Variants in TAF1A observed in about 807,000 individuals in gnomAD.
TAF1A encodes TATA-box binding protein associated factor, RNA polymerase I subunit A.
In TAF1A, 42 loss-of-function variants were observed where a neutral mutation model predicts 61.6. That is an observed-to-expected ratio of 0.68 (90% CI 0.53 to 0.88). TAF1A has a LOEUF of 0.88. TAF1A is among the 40% of genes least tolerant of loss of function. The pLI is 0.00. For synonymous variants in TAF1A, 179 were observed against 177.7 expected (o/e 1.01, Z -0.06); for missense variants, 424 against 518.7 (o/e 0.82, Z 1.77).
At chr1:222,570,308 A>G (rs1254962309) in intron 6 of TAF1A, among the ~76,000 whole-genome samples, 2 of 152,210 alleles carry the variant, frequency 1.3e-5, no homozygotes, top group East Asian at 3.8e-4. Flanking sequence ...AGATTGAATT[A>G]ACATTTACAA....
intron 5 of TAF1A, among the ~76,000 whole-genome samples, chr1:222,573,225 C>T (rs3002151): frequency 0.21 from 31,421 of 152,022 alleles, 4,209 homozygotes; most frequent in African/African-American, 0.39. Context: ...GCTGAGATTG[C>T]GCCACTTGCA....
At chr1:222,584,057 T>C in intron 3 of TAF1A, 71 bp downstream of exon 3, 3 of 1,521,486 alleles carry the variant, frequency 2.0e-6, no homozygotes, top group East Asian at 2.3e-5. Context: ...TAAAAGCTAC[T>C]GTAGGTGAAG....
In TAF1A at chr1:222,563,383, T is replaced by C. The variant is rs77910350; in HGVS notation, c.962-87A>G. 3,043 of 1,368,816 alleles carry C rather than the reference T, an allele frequency of 2.2e-3. 74 individuals are homozygous for C. The East Asian group carries it at 0.048, about 22-fold the overall frequency. 84.8% of individuals were successfully genotyped at this position (1,368,816 alleles called of 1,614,324 possible). Reference sequence around the variant, plus strand: ...ACATGTATACATTTTATCAACTGTATATATACTTTACATATATGTTGTTGA... The same window carrying C: ...ACATGTATACATTTTATCAACTGTACATATACTTTACATATATGTTGTTGA... On this transcript the variant is annotated intron_variant, in intron 8 of 10. Coordinates refer to ENST00000352967, the MANE Select transcript of TAF1A (RefSeq NM_005681.4).
chr1:222,577,949 G>A (rs1015995223), intron 4 of TAF1A, among the ~76,000 whole-genome samples: 2 of 152,178 alleles, frequency 1.3e-5, no homozygotes, highest in Non-Finnish European at 2.9e-5. Context: ...AAATAAACCT[G>A]GGTAAATTAT....
intron 7 of TAF1A, among the ~76,000 whole-genome samples, chr1:222,566,897 C>T (rs1469956312): frequency 1.3e-5 from 2 of 152,072 alleles, no homozygotes; most frequent in Non-Finnish European, 2.9e-5. Flanking sequence ...TTTGACAATT[C>T]CTCAAAAAGT....
intron 5 of TAF1A, among the ~76,000 whole-genome samples, chr1:222,574,226 T>G (rs981609348): frequency 6.6e-6 from 1 of 152,172 alleles, no homozygotes; most frequent in Non-Finnish European, 1.5e-5. Context: ...AGTTGTATAT[T>G]TTAAGTGGGT....
chr1:222,584,159 G>C lies in TAF1A; in HGVS notation c.260C>G (p.Ser87Ter). The change falls in exon 3 of 11, where the codon TCA becomes TGA. Residue 87 changes from serine (S) to a stop codon, truncating the protein, a stop_gained. Coordinates refer to ENST00000352967, the MANE Select transcript of TAF1A (RefSeq NM_005681.4). LOFTEE classifies it high-confidence loss of function. The part of the protein sequence containing the change: ...MYSYFQTLED[S>*]DSYKRQAAPE... ...TGCAGCCTGCCTTTTGTAGCTATCTGAATCTTCCAAGGTCTGAAAATAACT... is the reference window on the plus strand; with the variant it reads ...TGCAGCCTGCCTTTTGTAGCTATCTCAATCTTCCAAGGTCTGAAAATAACT... 1 of 1,610,074 alleles carries C rather than the reference G, an allele frequency of 6.2e-7. No homozygotes were observed. The highest frequency in any genetic ancestry group is 8.5e-7 in the Non-Finnish European group (1 of 1,178,920).
At chr1:222,577,946 C>G (rs1319639210) in intron 4 of TAF1A, among the ~76,000 whole-genome samples, 1 of 152,116 alleles carries the variant, frequency 6.6e-6, no homozygotes, top group African/African-American at 2.4e-5. Flanking sequence ...ACTAAATAAA[C>G]CTGGGTAAAT....
At chr1:222,571,883 G>C (rs1660367733) in intron 5 of TAF1A, among the ~76,000 whole-genome samples, 2 of 152,100 alleles carry the variant, frequency 1.3e-5, no homozygotes, top group Non-Finnish European at 2.9e-5. Context: ...GACCAAAGAA[G>C]AACAAAGAAT....
intron 6 of TAF1A, among the ~76,000 whole-genome samples, chr1:222,569,979 C>T (rs1255346708): frequency 1.3e-5 from 2 of 152,190 alleles, no homozygotes; most frequent in African/African-American, 4.8e-5. Flanking sequence ...TCCTTTCATC[C>T]TGTTCCCATC....
rs534092267 is a variant in TAF1A at position 222,565,022 on chromosome 1, A to G, written c.895-897T>C. Among the ~76,000 whole-genome samples, 24 of 152,344 alleles carry G rather than the reference A, an allele frequency of 1.6e-4. 1 individual carries two copies. In the South Asian group the frequency reaches 4.8e-3, roughly 30 times the overall value. On this transcript the variant is annotated intron_variant, in intron 7 of 10. Transcript: ENST00000352967. ...AATATAACATGTAGTAGAAGTGCAT[A>G]CAAATCATGACACCAGTCAGTTTTC...
At position 222,589,775 on chromosome 1, in the gene TAF1A, C is replaced by G. The variant is rs1254421207; in HGVS notation, c.-51G>C. 1 of 324,686 alleles carries G rather than the reference C, an allele frequency of 3.1e-6. No homozygotes were observed. The highest frequency in any genetic ancestry group is 5.6e-6 in the Non-Finnish European group (1 of 179,322). 20.1% of individuals were successfully genotyped at this position (324,686 alleles called of 1,614,324 possible). ...GTAAAGCTAAACTCAGTCTCCGACT[C>G]CGGCCCACGTGAAGAAATTCCCACC... On this transcript the variant is annotated 5_prime_UTR_variant, in exon 1 of 11. Coordinates refer to ENST00000352967, the MANE Select transcript of TAF1A (RefSeq NM_005681.4).
intron 7 of TAF1A, among the ~76,000 whole-genome samples, chr1:222,568,111 C>T (rs1192825770): frequency 2.0e-5 from 3 of 150,926 alleles, no homozygotes; most frequent in Admixed American, 1.3e-4. Flanking sequence ...TGACCTTTGC[C>T]ACACACTACC....
chr1:222,569,097 G>A (rs765548043), intron 7 of TAF1A: 1 of 294,264 alleles, frequency 3.4e-6, no homozygotes, highest in Non-Finnish European at 5.7e-6. Flanking sequence ...CAGACAGGCT[G>A]CAAAGGGAAA....
intron 7 of TAF1A, 85 bp from the exon 8 acceptor site, chr1:222,564,210 ACTGT>A (rs1218176785): frequency 5.2e-6 from 4 of 765,338 alleles, no homozygotes; most frequent in Non-Finnish European, 6.4e-6. Context: ...TAAAGTTCTT[ACTGT>A]CTAATATGCT....
chr1:222,564,322 A>T (rs1660034661), intron 7 of TAF1A, among the ~76,000 whole-genome samples, 197 bp from the exon 8 acceptor site: 1 of 151,210 alleles, frequency 6.6e-6, no homozygotes, highest in African/African-American at 2.4e-5. Context: ...GTCTTAAAAA[A>T]AAAAAAAAAA....
intron 5 of TAF1A, among the ~76,000 whole-genome samples, chr1:222,574,464 G>A (rs1403230899): frequency 2.0e-5 from 3 of 152,024 alleles, no homozygotes; most frequent in Non-Finnish European, 2.9e-5. Context: ...AGTTAAAGAC[G>A]CACAAAACAT....
downstream of TAF1A, among the ~76,000 whole-genome samples, chr1:222,554,595 GTTTT>G (rs1166307597): frequency 1.3e-5 from 2 of 152,150 alleles, no homozygotes; most frequent in East Asian, 1.9e-4. Flanking sequence ...ACACCTATCT[GTTTT>G]TTTAATTTTT....
chr1:222,560,140 C>A (rs1399283294), intron 10 of TAF1A, among the ~76,000 whole-genome samples: 3 of 152,066 alleles, frequency 2.0e-5, no homozygotes, highest in East Asian at 3.9e-4. Context: ...CCACCATACC[C>A]CACTCAAAGC....
Sources: allele counts gnomAD v4.1 joint callset (sites outside exome capture counted in the v4.1 genomes callset), GRCh38; gene constraint gnomAD v4.1.1; transcripts MANE v1.5; gene names NCBI Gene and HGNC (gene_info 2026-07-23, HGNC 2026-07-21).